Variants in PHF20 observed in about 807,000 individuals in gnomAD.
PHF20 encodes the protein glioma-expressed antigen 2.
Under a neutral mutation model 113.5 loss-of-function variants are expected in PHF20, and 23 were observed. The observed-to-expected ratio is 0.20, with a 90% CI of 0.15 to 0.29. PHF20 has a LOEUF of 0.29. Ranked by LOEUF, PHF20 falls within the 10% of genes least tolerant of loss-of-function variation. The pLI, the probability that PHF20 is intolerant of heterozygous loss-of-function variation, is 1.00. For synonymous variants in PHF20, 434 were observed against 457.3 expected (o/e 0.95, Z 0.65); for missense variants, 943 against 1,219.6 (o/e 0.77, Z 3.38).
chr20:35,901,262 A>G (rs576454553), intron 10 of PHF20, among the ~76,000 whole-genome samples: 1 of 152,140 alleles, frequency 6.6e-6, no homozygotes, highest in East Asian at 1.9e-4. Flanking sequence ...TAAAAATACA[A>G]AAATTAGCCA....
chr20:35,899,308 C>T (rs2055049367), intron 9 of PHF20, 62 bp from the exon 10 acceptor site: 3 of 1,390,336 alleles, frequency 2.2e-6, no homozygotes, highest in Non-Finnish European at 3.0e-6. Context: ...TGTGTTAATG[C>T]ATGTTTTGTA....
intron 1 of PHF20, among the ~76,000 whole-genome samples, chr20:35,783,072 G>A (rs939323342): frequency 2.0e-5 from 3 of 152,122 alleles, no homozygotes; most frequent in Non-Finnish European, 1.5e-5. Flanking sequence ...GGTGGTGCAC[G>A]CCTTGTAGTC....
chr20:35,826,257 C>T (rs550580956), intron 2 of PHF20, among the ~76,000 whole-genome samples: 3 of 152,176 alleles, frequency 2.0e-5, no homozygotes, highest in East Asian at 1.9e-4. Flanking sequence ...TTGGCCAGGC[C>T]GGGCTCGAAC....
At chr20:35,926,931 A>C (rs2055650768) in intron 13 of PHF20, among the ~76,000 whole-genome samples, 1 of 152,126 alleles carries the variant, frequency 6.6e-6, no homozygotes, top group South Asian at 2.1e-4. Flanking sequence ...GAATTGCTTG[A>C]AGTGCCCTAG....
chr20:35,912,603 G>A (rs1270392701), intron 10 of PHF20, among the ~76,000 whole-genome samples: 1 of 152,076 alleles, frequency 6.6e-6, no homozygotes, highest in Non-Finnish European at 1.5e-5. Flanking sequence ...AAGCTGAGGC[G>A]GCTGGATCAC....
intron 10 of PHF20, among the ~76,000 whole-genome samples, chr20:35,907,125 G>A (rs916091637): frequency 6.6e-6 from 1 of 152,138 alleles, no homozygotes; most frequent in Non-Finnish European, 1.5e-5. Context: ...TGAGCTCTGT[G>A]GTGTACAAGC....
intron 6 of PHF20, among the ~76,000 whole-genome samples, chr20:35,866,563 G>A (rs1359775618): frequency 6.6e-6 from 1 of 152,220 alleles, no homozygotes; most frequent in African/African-American, 2.4e-5. Context: ...GGCAGTTAAA[G>A]GCAGTTATTA....
chr20:35,801,441 T>A (rs930032350), intron 1 of PHF20, 50 bp from the exon 2 acceptor site: 8 of 921,156 alleles, frequency 8.7e-6, no homozygotes, highest in Non-Finnish European at 1.4e-5. Flanking sequence ...GATGCTACAC[T>A]CTGGGTGGAC....
At chr20:35,944,865 C>T (rs1270014537) in intron 17 of PHF20, among the ~76,000 whole-genome samples, 5 of 152,206 alleles carry the variant, frequency 3.3e-5, no homozygotes, top group Admixed American at 1.3e-4. Flanking sequence ...CCGGCCTCTC[C>T]ATTTATTCTT....
intron 9 of PHF20, among the ~76,000 whole-genome samples, chr20:35,895,575 T>C (rs920449469): frequency 2.0e-5 from 3 of 152,164 alleles, no homozygotes; most frequent in Non-Finnish European, 4.4e-5. Context: ...GAATTGGATG[T>C]ATTAAAGTTT....
At chr20:35,813,026 T>C (rs953889931) in intron 2 of PHF20, among the ~76,000 whole-genome samples, 2 of 152,190 alleles carry the variant, frequency 1.3e-5, no homozygotes, top group Non-Finnish European at 2.9e-5. Flanking sequence ...TGGAGCACAG[T>C]GGTGCGATCT....
At chr20:35,906,731 G>A (rs894542466) in intron 10 of PHF20, among the ~76,000 whole-genome samples, 1 of 152,126 alleles carries the variant, frequency 6.6e-6, no homozygotes, top group Non-Finnish European at 1.5e-5. Flanking sequence ...TCTTGTATCC[G>A]ATAGGCAGAA....
intron 9 of PHF20, among the ~76,000 whole-genome samples, chr20:35,876,196 A>C (rs1307663770): frequency 6.6e-6 from 1 of 152,180 alleles, no homozygotes; most frequent in African/African-American, 2.4e-5. Context: ...TTGAGCCAAG[A>C]GGAATAAATA....
rs535136848 is a variant in PHF20 at position 35,919,710 on chromosome 20, G to A, written c.2004+2048G>A. Among the ~76,000 whole-genome samples, 7 of 152,098 alleles carry A rather than the reference G, an allele frequency of 4.6e-5. No individual in the cohort carries two copies. The South Asian group carries it at 1.2e-3, about 27-fold the overall frequency. On this transcript the variant is annotated intron_variant, in intron 13 of 17. Coordinates refer to ENST00000374012, the MANE Select transcript of PHF20 (RefSeq NM_016436.5). ...CTTTCCTTTTATTTCTTGAAACATT[G>A]GGACTTTTCCGTAGCTCTTTAAACT...
At chr20:35,811,283 G>A (rs1303204295) in intron 2 of PHF20, among the ~76,000 whole-genome samples, 1 of 152,118 alleles carries the variant, frequency 6.6e-6, no homozygotes, top group Admixed American at 6.6e-5. Flanking sequence ...TTGACCTCAT[G>A]ATCTGTCCAC....
chr20:35,947,761 G>A lies in PHF20; in HGVS notation c.*134G>A. 2.1e-6 allele frequency: 2 copies of A among 948,304 alleles called. No homozygotes were observed. The highest frequency in any genetic ancestry group is 3.1e-6 in the Non-Finnish European group (2 of 646,820). The allele number at this position is 948,304 out of a possible 1,614,324, so 58.7% of individuals were successfully genotyped here. A position where few individuals can be genotyped will look rare whatever the true frequency, so the allele number is the denominator to read the frequency against. ...GACTTCAGGGATCTGGGCCAGGAGTGTGGTGGACATTGGACAAAGAGGCCA... is the reference window on the plus strand; with the variant it reads ...GACTTCAGGGATCTGGGCCAGGAGTATGGTGGACATTGGACAAAGAGGCCA... On this transcript the variant is annotated 3_prime_UTR_variant, in exon 18 of 18. Transcript: ENST00000374012.
At chr20:35,860,006 C>T (rs1000440217) in intron 5 of PHF20, among the ~76,000 whole-genome samples, 5 of 152,112 alleles carry the variant, frequency 3.3e-5, no homozygotes, top group Admixed American at 2.6e-4. Context: ...GTGCAAACTC[C>T]GCCTCCCAAG....
intron 4 of PHF20, among the ~76,000 whole-genome samples, chr20:35,848,816 C>G (rs544253448): frequency 6.8e-6 from 1 of 147,308 alleles, no homozygotes; most frequent in African/African-American, 2.5e-5. Flanking sequence ...ATGATAGTGT[C>G]ATTGTACTCC....
intron 1 of PHF20, among the ~76,000 whole-genome samples, chr20:35,781,129 C>T (rs948390722): frequency 1.1e-4 from 17 of 151,438 alleles, no homozygotes; most frequent in Admixed American, 2.6e-4. Flanking sequence ...GGATTACAGG[C>T]GTGAGCAAGA....
Sources: allele counts gnomAD v4.1 joint callset (sites outside exome capture counted in the v4.1 genomes callset), GRCh38; gene constraint gnomAD v4.1.1; transcripts MANE v1.5; gene names NCBI Gene and HGNC (gene_info 2026-07-23, HGNC 2026-07-21).